The following UBASH3B variants were observed in gnomAD, a reference collection of about 807,000 sequenced individuals.
The protein encoded by UBASH3B is ubiquitin-associated and SH3 domain-containing protein B.
In UBASH3B, 37 loss-of-function variants were observed where a neutral mutation model predicts 83.4. The observed-to-expected ratio is 0.44, with a 90% CI of 0.34 to 0.58. UBASH3B has a LOEUF of 0.58. UBASH3B is among the 20% of genes least tolerant of loss of function. The probability of loss-of-function intolerance (pLI) is 0.01; values close to 1 mark genes in which losing one functional copy is unlikely to be tolerated. For synonymous variants in UBASH3B, 304 were observed against 318.3 expected (o/e 0.96, Z 0.48); for missense variants, 657 against 827.2 (o/e 0.79, Z 2.52).
chr11:122,793,252 G>A lies in UBASH3B; in HGVS notation c.981-1450G>A, dbSNP rs186900813. Among the ~76,000 whole-genome samples, 1,453 of 152,166 alleles carry A rather than the reference G, an allele frequency of 9.5e-3. 21 individuals are homozygous for A. Among genetic ancestry groups the A allele is most frequent in the African/African-American group, 0.033 (1,367 of 41,504 alleles). On this transcript the variant is annotated intron_variant, in intron 6 of 13. Transcript: ENST00000284273. ...ACAAAAATTAGCCGGGCGTGGTGACGCACGCCTGTAATCCCAGCTACTCCA... is the reference window on the plus strand; with the variant it reads ...ACAAAAATTAGCCGGGCGTGGTGACACACGCCTGTAATCCCAGCTACTCCA...
chr11:122,789,235 A>C lies in UBASH3B; in HGVS notation c.907A>C (p.Thr303Pro). 2 of 1,614,174 alleles carry C rather than the reference A, an allele frequency of 1.2e-6. No homozygotes were observed. The highest frequency in any genetic ancestry group is 1.7e-6 in the Non-Finnish European group (2 of 1,180,038). ...EGWIYGTSLT[T>P]GCSGLLPENY... The stretch of plus-strand genomic sequence containing the variant: ...TTGGATCTATGGCACGTCCTTAACC[A>C]CCGGCTGCTCTGGACTCCTGCCTGA... The change falls in exon 6 of 14, where the codon ACC becomes CCC. Residue 303 changes from threonine (T) to proline (P), a missense_variant. Physicochemically the swap from Thr to Pro is conservative, Grantham distance 38. Transcript: ENST00000284273.
intron 1 of UBASH3B, among the ~76,000 whole-genome samples, chr11:122,674,582 C>T (rs1863641886): frequency 6.6e-6 from 1 of 152,034 alleles, no homozygotes; most frequent in African/African-American, 2.4e-5. Context: ...AGGGTTTCAC[C>T]ATGTTAGCCA....
chr11:122,677,748 TC>T (rs1303627274), intron 1 of UBASH3B, among the ~76,000 whole-genome samples: 28 of 151,218 alleles, frequency 1.9e-4, no homozygotes, highest in African/African-American at 6.6e-4. Context: ...CAAAACTCCC[TC>T]TCGAAAAAAA....
chr11:122,710,153 C>CA (rs533815380), intron 1 of UBASH3B, among the ~76,000 whole-genome samples: 13,987 of 64,768 alleles, frequency 0.22, 1,201 homozygotes, highest in African/African-American at 0.27. Flanking sequence ...GAGACTGTCT[C>CA]AAAAAAAAAA....
chr11:122,793,323 C>G (rs981856602), intron 6 of UBASH3B, among the ~76,000 whole-genome samples: 1 of 152,186 alleles, frequency 6.6e-6, no homozygotes, highest in Non-Finnish European at 1.5e-5. Context: ...GTGGAGGTTG[C>G]AGTGAGCCCA....
intron 1 of UBASH3B, among the ~76,000 whole-genome samples, chr11:122,730,046 G>A (rs998318453): frequency 1.4e-5 from 2 of 147,542 alleles, no homozygotes; most frequent in African/African-American, 5.0e-5. Flanking sequence ...TAGCACTTTG[G>A]AGGCCGAGGC....
In UBASH3B at chr11:122,728,013, A is replaced by T. The variant is rs191771355; in HGVS notation, c.162-48206A>T. ...CCATCTTATCATTATTATTATTATTATTATTTTTAGAGATGAGGTCTCCTG... is the reference window on the plus strand; with the variant it reads ...CCATCTTATCATTATTATTATTATTTTTATTTTTAGAGATGAGGTCTCCTG... On this transcript the variant is annotated intron_variant, in intron 1 of 13. Transcript: ENST00000284273. 3.5e-3 allele frequency among the ~76,000 whole-genome samples: 530 copies of T among 151,680 alleles called. 3 individuals are homozygous for T. Among genetic ancestry groups the T allele is most frequent in the Non-Finnish European group, 5.8e-3 (394 of 67,908 alleles).
chr11:122,663,492 C>G (rs1362534309), intron 1 of UBASH3B, among the ~76,000 whole-genome samples: 4 of 152,208 alleles, frequency 2.6e-5, no homozygotes, highest in Admixed American at 1.3e-4. Context: ...CCCTCAGCTG[C>G]CTCAAAGTCC....
intron 1 of UBASH3B, among the ~76,000 whole-genome samples, chr11:122,715,332 G>A (rs1860502024): frequency 6.6e-6 from 1 of 152,152 alleles, no homozygotes. Flanking sequence ...GGTTGAGGTG[G>A]GACTTCATGG....
In UBASH3B at chr11:122,655,939, C is replaced by A; in HGVS notation, c.-111C>A. 1 of 1,199,324 alleles carries A rather than the reference C, an allele frequency of 8.3e-7. No individual in the cohort carries two copies. The highest frequency in any genetic ancestry group is 1.1e-6 in the Non-Finnish European group (1 of 915,774). The allele number at this position is 1,199,324 out of a possible 1,614,324, so 74.3% of individuals were successfully genotyped here. ...GCGCCGCCTCCGCTGCCGCCGCCTCCTGCCTGGCTCTGGGTCCCCGAGCCC... is the reference window on the plus strand; with the variant it reads ...GCGCCGCCTCCGCTGCCGCCGCCTCATGCCTGGCTCTGGGTCCCCGAGCCC... On this transcript the variant is annotated 5_prime_UTR_variant, in exon 1 of 14. It adds an upstream start codon to the 5' untranslated region. Coordinates refer to ENST00000284273, the MANE Select transcript of UBASH3B (RefSeq NM_032873.5).
intron 1 of UBASH3B, among the ~76,000 whole-genome samples, chr11:122,745,914 C>T (rs529759044): frequency 1.3e-5 from 2 of 152,208 alleles, no homozygotes; most frequent in Admixed American, 6.5e-5. Context: ...CACAGCATTA[C>T]GATTATTTGC....
intron 4 of UBASH3B, among the ~76,000 whole-genome samples, chr11:122,781,497 C>T (rs1860852923): frequency 6.6e-6 from 1 of 152,202 alleles, no homozygotes; most frequent in Non-Finnish European, 1.5e-5. Context: ...AGTCGAAGCC[C>T]CAGCTTTCCC....
intron 1 of UBASH3B, among the ~76,000 whole-genome samples, chr11:122,763,989 T>C (rs1488708123): frequency 1.3e-5 from 2 of 152,174 alleles, no homozygotes; most frequent in South Asian, 2.1e-4. Flanking sequence ...GACTTCCTTG[T>C]ATGAAAGTGA....
chr11:122,756,224 T>C (rs564244045), intron 1 of UBASH3B, among the ~76,000 whole-genome samples: 2 of 152,334 alleles, frequency 1.3e-5, no homozygotes, highest in Admixed American at 6.5e-5. Context: ...AATTGAGTCC[T>C]CTTTGTAGTC....
intron 8 of UBASH3B, 59 bp downstream of exon 8, chr11:122,796,335 C>T: frequency 1.9e-6 from 3 of 1,593,150 alleles, no homozygotes; most frequent in Non-Finnish European, 2.6e-6. Context: ...CTAGGCGGCA[C>T]AGTCAAGCTA....
At chr11:122,770,550 AGAAGTGTCTG>A (rs1481657421) in intron 1 of UBASH3B, among the ~76,000 whole-genome samples, 2 of 152,072 alleles carry the variant, frequency 1.3e-5, no homozygotes, top group Admixed American at 6.6e-5. Context: ...ATGGCCCAAA[AGAAGTGTCTG>A]GATTACAAAC....
intron 1 of UBASH3B, among the ~76,000 whole-genome samples, chr11:122,753,186 G>A (rs1861227006): frequency 6.6e-6 from 1 of 151,314 alleles, no homozygotes; most frequent in South Asian, 2.1e-4. Context: ...GCTCGCGCCT[G>A]TAACCCCAGC....
intron 1 of UBASH3B, among the ~76,000 whole-genome samples, chr11:122,668,124 T>C (rs1329094647): frequency 6.6e-6 from 1 of 152,164 alleles, no homozygotes; most frequent in African/African-American, 2.4e-5. Flanking sequence ...TAGCTGGGAT[T>C]ACAGGCGCCT....
chr11:122,769,575 T>C (rs1447482987), intron 1 of UBASH3B, among the ~76,000 whole-genome samples: 1 of 152,226 alleles, frequency 6.6e-6, no homozygotes, highest in Non-Finnish European at 1.5e-5. Context: ...CCCCAGGCAC[T>C]CTGTTGAGCA....
Sources: allele counts gnomAD v4.1 joint callset (sites outside exome capture counted in the v4.1 genomes callset), GRCh38; gene constraint gnomAD v4.1.1; transcripts MANE v1.5; gene names NCBI Gene and HGNC (gene_info 2026-07-23, HGNC 2026-07-21).